DCBLD2: variants seen among roughly 807,000 people sequenced by gnomAD.
DCBLD2 encodes the protein discoidin, CUB and LCCL domain containing 2, also known as discoidin, CUB and LCCL domain-containing protein 2.
Under a neutral mutation model 86.8 loss-of-function variants are expected in DCBLD2, and 54 were observed. The ratio of observed to expected loss-of-function variants is 0.62; its 90% confidence interval spans 0.50 to 0.78. The LOEUF (loss-of-function observed/expected upper bound fraction) is 0.78, where lower values mean the gene tolerates loss of function less well. DCBLD2 is among the 30% of genes least tolerant of loss of function. DCBLD2 has a pLI of 0.00. For missense variants in DCBLD2, 908 were observed against 954.2 expected (o/e 0.95, Z 0.64); for synonymous variants, 354 against 341.3 (o/e 1.04, Z -0.41).
intron 1 of DCBLD2, among the ~76,000 whole-genome samples, chr3:98,886,495 T>G (rs899453315): frequency 7.9e-5 from 12 of 152,004 alleles, no homozygotes; most frequent in African/African-American, 2.7e-4. Flanking sequence ...CAACTCCAAC[T>G]TCACTAACTT....
At chr3:98,843,339 G>A (rs759370568) in intron 3 of DCBLD2, among the ~76,000 whole-genome samples, 11 of 152,076 alleles carry the variant, frequency 7.2e-5, no homozygotes, top group Non-Finnish European at 1.6e-4. Context: ...CCAGATACAG[G>A]AACCAAAATT....
At chr3:98,888,633 A>G (rs1943602357) in intron 1 of DCBLD2, among the ~76,000 whole-genome samples, 2 of 152,054 alleles carry the variant, frequency 1.3e-5, no homozygotes. Context: ...TATTGTCATA[A>G]AAGATCAGAA....
At chr3:98,838,604 G>A (rs1942535220) in intron 3 of DCBLD2, among the ~76,000 whole-genome samples, 1 of 151,342 alleles carries the variant, frequency 6.6e-6, no homozygotes, top group Non-Finnish European at 1.5e-5. Flanking sequence ...CCCAGACGAT[G>A]GGCGGCCAGG....
chr3:98,885,434 A>G (rs1214094007), intron 1 of DCBLD2, among the ~76,000 whole-genome samples: 1 of 152,084 alleles, frequency 6.6e-6, no homozygotes, highest in Non-Finnish European at 1.5e-5. Flanking sequence ...TGCTTATTCC[A>G]AAAGAAATAC....
At chr3:98,858,134 C>A (rs1214641794) in intron 2 of DCBLD2, among the ~76,000 whole-genome samples, 1 of 152,226 alleles carries the variant, frequency 6.6e-6, no homozygotes. Context: ...GCAGCTAAGG[C>A]CCAGCGAAAA....
intron 3 of DCBLD2, among the ~76,000 whole-genome samples, chr3:98,839,857 T>A (rs1942588866): frequency 6.6e-6 from 1 of 152,250 alleles, no homozygotes; most frequent in Non-Finnish European, 1.5e-5. Flanking sequence ...GTTACAATTT[T>A]AAGTACAGTG....
chr3:98,887,533 T>C (rs2107527568), intron 1 of DCBLD2, among the ~76,000 whole-genome samples: 1 of 152,160 alleles, frequency 6.6e-6, no homozygotes, highest in African/African-American at 2.4e-5. Context: ...CCTGGTAATT[T>C]TCCTTGTTCT....
At chr3:98,884,601 T>C (rs1281543703) in intron 1 of DCBLD2, among the ~76,000 whole-genome samples, 2 of 151,852 alleles carry the variant, frequency 1.3e-5, no homozygotes, top group African/African-American at 4.8e-5. Context: ...TAAGACAGAG[T>C]TCCTAACATT....
intron 2 of DCBLD2, among the ~76,000 whole-genome samples, chr3:98,880,351 A>G (rs1943443392): frequency 6.6e-6 from 1 of 152,254 alleles, no homozygotes. Context: ...CTGGAACCAA[A>G]AAATGTTTCT....
intron 1 of DCBLD2, among the ~76,000 whole-genome samples, chr3:98,882,115 C>T (rs1943482823): frequency 2.0e-5 from 3 of 152,180 alleles, no homozygotes; most frequent in Admixed American, 2.0e-4. Context: ...TTTAACAAAT[C>T]ACAAGACCTG....
At chr3:98,822,503 A>C in intron 5 of DCBLD2, 142 bp from the exon 6 acceptor site, 1 of 1,288,252 alleles carries the variant, frequency 7.8e-7, no homozygotes, top group Non-Finnish European at 1.1e-6. Flanking sequence ...TTGGTACTGT[A>C]ACACAACAGT....
intron 2 of DCBLD2, among the ~76,000 whole-genome samples, chr3:98,852,234 G>C (rs1233989453): frequency 1.4e-5 from 2 of 145,814 alleles, no homozygotes; most frequent in East Asian, 4.1e-4. Context: ...ATCTTTTAAT[G>C]CTTCTAGGAT....
chr3:98,807,377 T>A (rs1003639312), intron 13 of DCBLD2, among the ~76,000 whole-genome samples: 1 of 152,166 alleles, frequency 6.6e-6, no homozygotes, highest in African/African-American at 2.4e-5. Flanking sequence ...AGAGTCCTCA[T>A]GAATGGGATT....
At chr3:98,872,126 T>C (rs1237218258) in intron 2 of DCBLD2, among the ~76,000 whole-genome samples, 1 of 152,202 alleles carries the variant, frequency 6.6e-6, no homozygotes, top group African/African-American at 2.4e-5. Flanking sequence ...TTCTACACAT[T>C]CAGAGAAACT....
At chr3:98,841,310 T>C (rs139527589) in intron 3 of DCBLD2, among the ~76,000 whole-genome samples, 60 of 152,302 alleles carry the variant, frequency 3.9e-4, no homozygotes, top group Non-Finnish European at 7.1e-4. Context: ...CCTAAGACAG[T>C]TGCAAACTTA....
At chr3:98,885,134 G>T (rs1489461982) in intron 1 of DCBLD2, among the ~76,000 whole-genome samples, 2 of 151,810 alleles carry the variant, frequency 1.3e-5, no homozygotes, top group African/African-American at 2.4e-5. Context: ...CCTTGTGTAG[G>T]GGGAGGGCAG....
intron 2 of DCBLD2, among the ~76,000 whole-genome samples, chr3:98,865,746 G>T (rs1426391290): frequency 6.6e-6 from 1 of 151,716 alleles, no homozygotes; most frequent in African/African-American, 2.4e-5. Flanking sequence ...TAAGTTCTAG[G>T]GTACATGTGC....
rs367919009 is a variant in DCBLD2 at position 98,799,682 on chromosome 3, G to A, written c.2018C>T (p.Thr673Met). 25 of 1,613,876 alleles carry A rather than the reference G, an allele frequency of 1.5e-5. No homozygotes were observed. Among genetic ancestry groups the A allele is most frequent in the African/African-American group, 8.0e-5 (6 of 74,922 alleles). ...GATTGGGGTTGCATACTCAGGCCCC[G>A]TAATTGGGAGTGGTTCAGCATAGGC... Reference protein sequence around the residue: ...YHAYAEPLPITGPEYATPIIM... With the variant: ...YHAYAEPLPIMGPEYATPIIM... The change falls in exon 16 of 16, where the codon ACG becomes ATG. Residue 673 changes from threonine to methionine, a missense_variant. Thr to Met is a moderately conservative substitution (Grantham distance 81). This residue lies in a region of DCBLD2 where 606 missense variants were observed against 678.5 expected (regional missense o/e 0.89). Coordinates refer to ENST00000326840, the MANE Select transcript of DCBLD2 (RefSeq NM_080927.4).
At chr3:98,890,335 C>T (rs2107529599) in intron 1 of DCBLD2, 1 of 152,100 alleles carries the variant, frequency 6.6e-6, no homozygotes, top group Admixed American at 6.6e-5. Context: ...ATATTAAAAG[C>T]CAAGCAATGC....
Sources: allele counts gnomAD v4.1 joint callset (sites outside exome capture counted in the v4.1 genomes callset), GRCh38; gene constraint gnomAD v4.1.1; regional missense constraint gnomAD v4.1.1; transcripts MANE v1.5; gene names NCBI Gene and HGNC (gene_info 2026-07-23, HGNC 2026-07-21).